Variants in NIBAN1 observed in about 807,000 individuals in gnomAD.
NIBAN1 encodes the protein protein Niban 1.
NIBAN1 carries 81 observed loss-of-function variants against 75.1 expected under a neutral mutation model. The observed-to-expected ratio is 1.08, with a 90% CI of 0.90 to 1.30. The LOEUF is 1.30. NIBAN1 is among the 50% of genes most tolerant of loss of function. The pLI is 0.00. For synonymous variants in NIBAN1, 436 were observed against 424.8 expected (o/e 1.03, Z -0.32); for missense variants, 1,133 against 1,128.1 (o/e 1.00, Z -0.06).
At chr1:184,856,611 A>T (rs1182577861) in intron 5 of NIBAN1, among the ~76,000 whole-genome samples, 1 of 152,214 alleles carries the variant, frequency 6.6e-6, no homozygotes, top group African/African-American at 2.4e-5. Context: ...TCATTATTAT[A>T]TATTCACTCA....
rs576118292 is a variant in NIBAN1 at position 184,898,381 on chromosome 1, G to A, written c.186+798C>T. On this transcript the variant is annotated intron_variant, in intron 2 of 13. Coordinates refer to ENST00000367511, the MANE Select transcript of NIBAN1 (RefSeq NM_052966.4). Reference sequence around the variant, plus strand: ...TGTAATCCCAGCACTTTGGGAGGCCGAGGCAGGTGGATCACTTGAGGTCAG... The same window carrying A: ...TGTAATCCCAGCACTTTGGGAGGCCAAGGCAGGTGGATCACTTGAGGTCAG... 5.9e-5 allele frequency among the ~76,000 whole-genome samples: 9 copies of A among 152,240 alleles called. No individual in the cohort carries two copies. The South Asian group carries it at 8.3e-4, about 14-fold the overall frequency.
chr1:184,920,275 T>TTGTACAGA (rs1657495891), intron 1 of NIBAN1, among the ~76,000 whole-genome samples: 1 of 152,184 alleles, frequency 6.6e-6, no homozygotes, highest in African/African-American at 2.4e-5. Flanking sequence ...GACACAATGG[T>TTGTACAGA]TGTACAGATT....
intron 1 of NIBAN1, among the ~76,000 whole-genome samples, chr1:184,943,325 C>A (rs1658143026): frequency 6.6e-6 from 1 of 151,884 alleles, no homozygotes; most frequent in African/African-American, 2.4e-5. Flanking sequence ...GACTACAGTT[C>A]AATTTTATGG....
intron 5 of NIBAN1, among the ~76,000 whole-genome samples, chr1:184,863,698 A>G (rs980805468): frequency 1.3e-5 from 2 of 152,192 alleles, no homozygotes; most frequent in Admixed American, 1.3e-4. Context: ...CAGTTTTCTC[A>G]GTCATATGAC....
chr1:184,965,890 G>T (rs956984686), intron 1 of NIBAN1, among the ~76,000 whole-genome samples: 4 of 152,220 alleles, frequency 2.6e-5, no homozygotes, highest in Admixed American at 2.0e-4. Flanking sequence ...CAGGAGAAAT[G>T]TGTGGAACTG....
chr1:184,969,692 C>CTT (rs79772774), intron 1 of NIBAN1, among the ~76,000 whole-genome samples: 2 of 139,830 alleles, frequency 1.4e-5, no homozygotes. Flanking sequence ...GAGTTTCTTT[C>CTT]TTTTTTTTTT....
At position 184,823,696 on chromosome 1, in the gene NIBAN1, G is replaced by C. The variant is rs746429677; in HGVS notation, c.764C>G (p.Thr255Arg). 6.2e-7 allele frequency: 1 copy of C among 1,614,160 alleles called. No homozygotes were observed. ...VMEELLPTLQ[T>R]DLLPKMKGKK... ...CCCCTTCATCTTAGGCAGCAGGTCTGTCTGAAGAGTGGGCAGGAGCTCCTC... is the reference window on the plus strand; with the variant it reads ...CCCCTTCATCTTAGGCAGCAGGTCTCTCTGAAGAGTGGGCAGGAGCTCCTC... Residue 255 changes from threonine (T) to arginine (R), a missense_variant, in exon 7 of 14, where the codon ACA becomes AGA. By Grantham distance (71) the Thr-to-Arg change is moderately conservative. Coordinates refer to ENST00000367511, the MANE Select transcript of NIBAN1 (RefSeq NM_052966.4).
At chr1:184,936,698 CGTGTGTGTGTGCGTGT>C (rs1235000287) in intron 1 of NIBAN1, among the ~76,000 whole-genome samples, 1 of 151,748 alleles carries the variant, frequency 6.6e-6, no homozygotes, top group Non-Finnish European at 1.5e-5. Flanking sequence ...TGCGTGCGTG[CGTGTGTGTGTGCGTGT>C]GTGTGTGTAA....
rs1354774393 is a variant in NIBAN1, at chr1:184,974,327, G to A, written c.30C>T (p.Asp10=). 6.4e-7 allele frequency: 1 copy of A among 1,567,396 alleles called. No individual in the cohort carries two copies. The highest frequency in any genetic ancestry group is 8.6e-7 in the Non-Finnish European group (1 of 1,163,636). The part of the protein sequence containing the change: MGGSASSQL[D]EGKCAYIRGK... ...CTCGGATGTAAGCGCACTTGCCCTC[G>A]TCCAGCTGGCTGGAGGCTGAGCCGC... Residue 10 remains aspartate (D), a synonymous_variant, in exon 1 of 14, where the codon GAC becomes GAT. Transcript: ENST00000367511.
chr1:184,936,021 G>GA (rs371040471), intron 1 of NIBAN1, among the ~76,000 whole-genome samples: 26,049 of 124,192 alleles, frequency 0.21, 2,382 homozygotes, highest in East Asian at 0.27. Flanking sequence ...TGTGATAGAT[G>GA]AAAAAAAAAA....
At position 184,884,843 on chromosome 1, in the gene NIBAN1, T is replaced by C. The variant is rs780730485; in HGVS notation, c.434-43A>G. 11 of 1,597,472 alleles carry C rather than the reference T, an allele frequency of 6.9e-6. No individual in the cohort carries two copies. In the Admixed American group the frequency reaches 1.9e-4, roughly 27 times the overall value. ...ACACAAATACCTTTTAAAACATGTATCTTTTATTTCAAATGTGTGTTTCAG... is the reference window on the plus strand; with the variant it reads ...ACACAAATACCTTTTAAAACATGTACCTTTTATTTCAAATGTGTGTTTCAG... On this transcript the variant is annotated intron_variant, in intron 4 of 13. Coordinates refer to ENST00000367511, the MANE Select transcript of NIBAN1 (RefSeq NM_052966.4).
intron 1 of NIBAN1, among the ~76,000 whole-genome samples, chr1:184,900,231 A>T (rs569781759): frequency 1.4e-3 from 213 of 152,226 alleles, no homozygotes; most frequent in African/African-American, 4.8e-3. Flanking sequence ...CTGGTTTAAA[A>T]TTTTTGTGTG....
At chr1:184,959,379 C>A (rs1052483648) in intron 1 of NIBAN1, among the ~76,000 whole-genome samples, 1 of 152,182 alleles carries the variant, frequency 6.6e-6, no homozygotes, top group African/African-American at 2.4e-5. Flanking sequence ...TTTATATCTT[C>A]CATTTTTCTC....
chr1:184,889,425 T>C (rs974523064), intron 4 of NIBAN1, among the ~76,000 whole-genome samples: 6 of 152,208 alleles, frequency 3.9e-5, no homozygotes, highest in African/African-American at 1.4e-4. Context: ...TTTATAGATA[T>C]GCAAATTAAT....
chr1:184,803,191 C>T (rs561557745), intron 12 of NIBAN1, among the ~76,000 whole-genome samples: 37 of 152,166 alleles, frequency 2.4e-4, no homozygotes, highest in Non-Finnish European at 5.3e-4. Context: ...TCAGAGGACA[C>T]GTTGGACCTA....
Position 184,921,978 on chromosome 1 carries a change from A to C in NIBAN1, c.56-22669T>G, listed in dbSNP as rs140784980. ...TGCTTTTTGTATTATATTATAACAC[A>C]CAAGTCCTTTGAAATACAAATGTGA... On this transcript the variant is annotated intron_variant, in intron 1 of 13. Coordinates refer to ENST00000367511, the MANE Select transcript of NIBAN1 (RefSeq NM_052966.4). 4.6e-4 allele frequency among the ~76,000 whole-genome samples: 70 copies of C among 152,348 alleles called. No individual in the cohort carries two copies. In the East Asian group the frequency reaches 0.013, roughly 29 times the overall value.
intron 8 of NIBAN1, among the ~76,000 whole-genome samples, chr1:184,820,437 C>T (rs1028426956): frequency 4.6e-5 from 7 of 152,190 alleles, no homozygotes; most frequent in Admixed American, 3.9e-4. Context: ...CCTTGCCTTC[C>T]TTCCTCTACC....
chr1:184,819,794 G>A (rs1654643594), intron 8 of NIBAN1, among the ~76,000 whole-genome samples: 1 of 152,142 alleles, frequency 6.6e-6, no homozygotes. Context: ...AAAAAAATGA[G>A]GCCTGGAGAT....
intron 2 of NIBAN1, among the ~76,000 whole-genome samples, chr1:184,894,561 G>C (rs1656750845): frequency 6.6e-6 from 1 of 152,216 alleles, no homozygotes; most frequent in South Asian, 2.1e-4. Flanking sequence ...AGGCAGGAAA[G>C]TGTAAGTGTG....
Sources: gnomAD v4.1 joint callset for allele counts (sites outside exome capture counted in the v4.1 genomes callset) on GRCh38, gnomAD v4.1.1 for gene constraint, MANE v1.5 for transcripts, NCBI Gene and HGNC (gene_info 2026-07-23, HGNC 2026-07-21) for gene names.